The following PJVK variants were observed in gnomAD, a reference collection of about 807,000 sequenced individuals.
The protein encoded by PJVK is pejvakin, also known as autosomal recessive deafness type 59 protein.
A neutral mutation model predicts 37.6 loss-of-function variants in PJVK; 33 were observed. The ratio of observed to expected loss-of-function variants is 0.88; its 90% CI spans 0.67 to 1.17. The LOEUF (loss-of-function observed/expected upper bound fraction) is 1.17. PJVK is among the 50% of genes most tolerant of loss of function. PJVK has a pLI of 0.00. For synonymous variants in PJVK, 141 were observed against 143.5 expected, an observed-to-expected ratio of 0.98 and a Z score of 0.13; for missense variants, 410 against 413.8, an observed-to-expected ratio of 0.99 and a Z score of 0.08.
chr2:178,460,333 C>T lies in PJVK; in HGVS notation c.668-15C>T. ...TTATTCAAGTTATAACATCTTCTAA[C>T]AATTTTTTTTGTAGACCTTTGTGTC... is the stretch of plus-strand genomic sequence containing the variant. On this transcript the variant is annotated splice_polypyrimidine_tract_variant and intron_variant, in intron 5 of 6. Transcript: ENST00000644580. 8 of 1,606,324 alleles carry T rather than the reference C, an allele frequency of 5.0e-6. No individual in the cohort carries two copies. Among genetic ancestry groups the T allele is most frequent in the South Asian group, 1.1e-5 (1 of 90,872 alleles).
At chr2:178,458,922 C>G (rs1025457004) in intron 5 of PJVK, among the ~76,000 whole-genome samples, 3 of 152,106 alleles carry the variant, frequency 2.0e-5, no homozygotes, top group Non-Finnish European at 4.4e-5. Context: ...CCTTAGCTTA[C>G]ATGGGGAGAT....
At chr2:178,459,055 A>G in intron 5 of PJVK, 1 of 423,154 alleles carries the variant, frequency 2.4e-6, no homozygotes, top group Non-Finnish European at 5.0e-6. Flanking sequence ...TTCTTACTTC[A>G]GTTTTACTTA....
rs1436461540 is a variant in PJVK, at chr2:178,452,643, GT to G, written c.-22-744del. The G allele has an allele frequency of 4.1e-6, 4 of 984,994 alleles. No homozygotes were observed. In the East Asian group the frequency reaches 4.5e-4, roughly 112 times the overall value. The allele number at this position is 984,994 out of a possible 1,614,324, so 61.0% of individuals were successfully genotyped here. On this transcript the variant is annotated intron_variant, in intron 1 of 6. Transcript: ENST00000644580. ...TTATATAGCTCTTGTTAAAGGTTAA[GT>G]AGCTGGGATAATAATGAAACAAAAA...
In PJVK at chr2:178,454,513, A is replaced by G. The variant is rs2154125942; in HGVS notation, c.393A>G (p.Lys131=). 1 of 1,613,712 alleles carries G rather than the reference A, an allele frequency of 6.2e-7. No homozygotes were observed. The highest frequency in any genetic ancestry group is 8.5e-7 in the Non-Finnish European group (1 of 1,179,884). Residue 131 remains lysine, a synonymous_variant, in exon 3 of 7, where the codon AAA becomes AAG. Coordinates refer to ENST00000644580, the MANE Select transcript of PJVK (RefSeq NM_001042702.5). ...KHEVEVSTLL[K]EITTRKINFD... ...AAGTGGAAGTATCAACATTACTCAA[A>G]GAAATTACTACACGGTCAGTATAAT...
At position 178,461,244 on chromosome 2, in the gene PJVK, T is replaced by G. The variant is rs1453233482; in HGVS notation, c.1029T>G (p.Cys343Trp). The change falls in exon 7 of 7, where the codon TGT (cysteine) becomes TGG (tryptophan). Residue 343 changes from cysteine (C) to tryptophan (W), a missense_variant. Transcript: ENST00000644580. Reference sequence around the variant, plus strand: ...ATGTGAGACTTCATGCAGTTCCTTGTTTTGATATTTGGCACAAGAGGATGA... The same window carrying G: ...ATGTGAGACTTCATGCAGTTCCTTGGTTTGATATTTGGCACAAGAGGATGA... ...QKYVRLHAVP[C>W]FDIWHKRMK 1.2e-6 allele frequency: 2 copies of G among 1,614,172 alleles called. No homozygotes were observed. The highest frequency in any genetic ancestry group is 1.7e-6 in the Non-Finnish European group (2 of 1,180,016).
intron 3 of PJVK, 154 bp downstream of exon 3, chr2:178,454,681 T>C: frequency 1.4e-6 from 2 of 1,465,652 alleles, no homozygotes. Flanking sequence ...TATCCAAACT[T>C]TGAATAAGGA....
At chr2:178,455,759 G>A (rs1434113238) in intron 3 of PJVK, among the ~76,000 whole-genome samples, 1 of 152,050 alleles carries the variant, frequency 6.6e-6, no homozygotes, top group Non-Finnish European at 1.5e-5. Flanking sequence ...CAATCTGTCT[G>A]CAACAAATAG....
intron 3 of PJVK, 29 bp from the exon 4 acceptor site, chr2:178,455,981 G>C: frequency 3.1e-6 from 5 of 1,611,150 alleles, no homozygotes; most frequent in Non-Finnish European, 4.2e-6. Context: ...ATGTTATAGA[G>C]TCTTGTGAAT....
chr2:178,454,846 C>A, intron 3 of PJVK: 1 of 1,124,244 alleles, frequency 8.9e-7, no homozygotes, highest in Non-Finnish European at 1.4e-6. Flanking sequence ...AGCCTTGACT[C>A]CCCAGGGAAG....
chr2:178,454,596 A>G (rs564517397), intron 3 of PJVK, 69 bp downstream of exon 3: 2 of 1,517,356 alleles, frequency 1.3e-6, no homozygotes, highest in East Asian at 2.4e-5. Context: ...ACTTCATTAC[A>G]AAGAATGCTT....
At chr2:178,458,472 T>C (rs762545687) in intron 4 of PJVK, 38 bp from the exon 5 acceptor site, 28 of 1,478,816 alleles carry the variant, frequency 1.9e-5, no homozygotes, top group Non-Finnish European at 2.5e-5. Flanking sequence ...CCTTACATGT[T>C]ATGATCCTTA....
intron 2 of PJVK, 181 bp downstream of exon 2, chr2:178,453,801 A>G: frequency 1.8e-6 from 1 of 567,386 alleles, no homozygotes; most frequent in Non-Finnish European, 3.2e-6. Flanking sequence ...TATAATATCA[A>G]ATCTCTTATT....
At chr2:178,457,374 G>C (rs1322577050) in intron 4 of PJVK, among the ~76,000 whole-genome samples, 1 of 152,190 alleles carries the variant, frequency 6.6e-6, no homozygotes, top group East Asian at 1.9e-4. Context: ...CCAGTGCTTA[G>C]GAAGACTGAG....
Position 178,453,443 on chromosome 2 carries a change from C to CA in PJVK, c.36dup (p.Val13SerfsTer15). On this transcript the variant is annotated frameshift_variant, in exon 2 of 7. Transcript: ENST00000644580. LOFTEE classifies it high-confidence loss of function. ...TGCTGCTACCAAGAGCTTTGTCAAG[C>CA]AAGTTGGAGATGGAGGGAGATTAGT... 6.2e-7 allele frequency: 1 copy of CA among 1,614,122 alleles called. No individual in the cohort carries two copies. Among genetic ancestry groups the CA allele is most frequent in the Non-Finnish European group, 8.5e-7 (1 of 1,179,996 alleles).
chr2:178,458,438 T>C, intron 4 of PJVK, 72 bp from the exon 5 acceptor site: 1 of 1,247,296 alleles, frequency 8.0e-7, no homozygotes, highest in Non-Finnish European at 1.2e-6. Context: ...TTATAGGAAA[T>C]GTTTCATTTC....
chr2:178,461,730 C>T lies in PJVK; in HGVS notation c.*456C>T, dbSNP rs1466943368. Among the ~76,000 whole-genome samples the T allele has an allele frequency of 6.6e-6, 1 of 151,838 alleles. No individual in the cohort carries two copies. Among genetic ancestry groups the T allele is most frequent in the Non-Finnish European group, 1.5e-5 (1 of 67,974 alleles). On this transcript the variant is annotated 3_prime_UTR_variant, in exon 7 of 7. Transcript: ENST00000644580. ...TCCCGAGTAGCTGGGATTACTGGCG[C>T]CTGCCACCACGCCTGGCTAATTTTT...
chr2:178,458,065 T>C (rs1014228334), intron 4 of PJVK, among the ~76,000 whole-genome samples: 10 of 152,204 alleles, frequency 6.6e-5, no homozygotes, highest in African/African-American at 1.9e-4. Flanking sequence ...CTGATTAACA[T>C]TGGATCATTT....
chr2:178,458,708 T>C (rs1269053609), intron 5 of PJVK, 81 bp downstream of exon 5: 32 of 1,072,784 alleles, frequency 3.0e-5, no homozygotes, highest in Non-Finnish European at 4.6e-5. Context: ...CTCTCTCTCT[T>C]TTCTCTCATT....
intron 1 of PJVK, 141 bp downstream of exon 1, chr2:178,451,910 C>A: frequency 2.2e-6 from 2 of 916,196 alleles, no homozygotes; most frequent in Non-Finnish European, 1.3e-6. Flanking sequence ...CAGGGGCTTG[C>A]TAGGCACTAG....
Sources: gnomAD v4.1 joint callset for allele counts (sites outside exome capture counted in the v4.1 genomes callset) on GRCh38, gnomAD v4.1.1 for gene constraint, MANE v1.5 for transcripts, NCBI Gene and HGNC (gene_info 2026-07-23, HGNC 2026-07-21) for gene names.